GRID2: variants seen among roughly 807,000 people sequenced by gnomAD.
The protein encoded by GRID2 is glutamate ionotropic receptor delta type subunit 2, also known as glutamate receptor ionotropic, delta-2.
Under a neutral mutation model 114.8 loss-of-function variants are expected in GRID2, and 33 were observed. That is an observed-to-expected ratio of 0.29 (90% CI 0.22 to 0.38). The LOEUF is 0.38. Among genes scored for constraint, GRID2 ranks in the 10% least tolerant of loss-of-function variants. GRID2 has a pLI of 1.00. For missense variants in GRID2, 1,184 were observed against 1,257.7 expected (o/e 0.94, Z 0.89); for synonymous variants, 505 against 449.9 (o/e 1.12, Z -1.55).
chr4:92,686,868 A>G (rs1733933335), intron 2 of GRID2, among the ~76,000 whole-genome samples: 1 of 152,164 alleles, frequency 6.6e-6, no homozygotes, highest in Non-Finnish European at 1.5e-5. Flanking sequence ...AGTAGATCAC[A>G]GGTTTAATAT....
At chr4:92,988,932 T>A (rs1394843083) in intron 2 of GRID2, among the ~76,000 whole-genome samples, 8 of 152,130 alleles carry the variant, frequency 5.3e-5, no homozygotes, top group African/African-American at 1.9e-4. Context: ...TTTCCTATAA[T>A]ATTTTAGGTC....
intron 2 of GRID2, among the ~76,000 whole-genome samples, chr4:92,961,705 G>T (rs1004368817): frequency 6.6e-6 from 1 of 151,080 alleles, no homozygotes; most frequent in Non-Finnish European, 1.5e-5. Context: ...CTTTGGTTTG[G>T]TGTCAGACAT....
intron 1 of GRID2, among the ~76,000 whole-genome samples, chr4:92,547,109 C>T (rs182767309): frequency 1.8e-4 from 28 of 152,242 alleles, no homozygotes; most frequent in East Asian, 1.2e-3. Context: ...CCAGCTTCTC[C>T]GATACCTAAA....
At chr4:92,955,301 T>C (rs1477894881) in intron 2 of GRID2, among the ~76,000 whole-genome samples, 7 of 151,386 alleles carry the variant, frequency 4.6e-5, no homozygotes, top group Admixed American at 6.6e-5. Context: ...TTTTAATGAT[T>C]GCCATTCTAA....
chr4:92,839,100 C>T (rs116022792), intron 2 of GRID2, among the ~76,000 whole-genome samples: 1,579 of 152,096 alleles, frequency 0.01, 23 homozygotes, highest in African/African-American at 0.036. Context: ...GTCTTTCAAG[C>T]GAGCATGTGT....
chr4:92,571,610 C>T (rs565971348), intron 1 of GRID2, among the ~76,000 whole-genome samples: 2 of 151,934 alleles, frequency 1.3e-5, no homozygotes, highest in African/African-American at 4.8e-5. Flanking sequence ...GCACTTATTC[C>T]AAAATTGACC....
chr4:93,335,629 G>A lies in GRID2; in HGVS notation c.1246-59978G>A, dbSNP rs140282447. 4.9e-3 allele frequency among the ~76,000 whole-genome samples: 737 copies of A among 151,640 alleles called. 5 individuals carry two copies. The highest frequency in any genetic ancestry group is 0.017 in the African/African-American group (693 of 41,222). ...ATAATTTGAATATTTCAAATTTTAA[G>A]TTTTTAAAAATTAGCAACATGTGTT... On this transcript the variant is annotated intron_variant, in intron 8 of 15. Coordinates refer to ENST00000282020, the MANE Select transcript of GRID2 (RefSeq NM_001510.4).
chr4:93,462,283 G>A (rs1358693663), intron 11 of GRID2, among the ~76,000 whole-genome samples: 11 of 152,110 alleles, frequency 7.2e-5, no homozygotes, highest in African/African-American at 1.7e-4. Context: ...ACATCACGCC[G>A]ATGGATCTTA....
intron 1 of GRID2, among the ~76,000 whole-genome samples, chr4:92,394,920 T>C (rs1007059109): frequency 4.6e-5 from 7 of 151,630 alleles, no homozygotes; most frequent in Non-Finnish European, 7.4e-5. Flanking sequence ...TTTTTAGTCT[T>C]CCTACCAAAA....
chr4:93,506,195 C>T (rs533923157), intron 12 of GRID2, among the ~76,000 whole-genome samples: 18 of 152,214 alleles, frequency 1.2e-4, no homozygotes, highest in African/African-American at 4.1e-4. Context: ...ACAATTTTAC[C>T]TGTGACCATC....
chr4:92,695,751 G>A (rs1343892562), intron 2 of GRID2, among the ~76,000 whole-genome samples: 5 of 151,550 alleles, frequency 3.3e-5, no homozygotes, highest in Admixed American at 1.3e-4. Context: ...TTTCTTTCAC[G>A]TAAAATATTA....
intron 2 of GRID2, among the ~76,000 whole-genome samples, chr4:92,957,791 A>G (rs757709322): frequency 6.6e-6 from 1 of 152,094 alleles, no homozygotes; most frequent in African/African-American, 2.4e-5. Context: ...ATAAACATAA[A>G]ATATTTATCC....
intron 8 of GRID2, among the ~76,000 whole-genome samples, chr4:93,364,858 C>A (rs1034350325): frequency 4.6e-5 from 7 of 152,038 alleles, no homozygotes; most frequent in African/African-American, 1.7e-4. Context: ...TTCTTTTTGA[C>A]CTTTTCTTTG....
At chr4:93,138,092 C>A (rs1380456018) in intron 4 of GRID2, among the ~76,000 whole-genome samples, 1 of 149,270 alleles carries the variant, frequency 6.7e-6, no homozygotes, top group South Asian at 2.1e-4. Context: ...CTTACCTGAG[C>A]CCCCCAAGTA....
intron 1 of GRID2, among the ~76,000 whole-genome samples, chr4:92,534,060 A>G (rs1725486147): frequency 6.6e-6 from 1 of 152,118 alleles, no homozygotes; most frequent in Admixed American, 6.6e-5. Context: ...GTGTGGATGT[A>G]TCCTTTCAAG....
chr4:92,612,019 A>G (rs1729773549), intron 2 of GRID2, among the ~76,000 whole-genome samples: 1 of 151,406 alleles, frequency 6.6e-6, no homozygotes. Context: ...TTTTAAACTT[A>G]TGTGTTTAGC....
intron 9 of GRID2, among the ~76,000 whole-genome samples, chr4:93,401,736 C>G (rs1765908944): frequency 6.6e-6 from 1 of 152,192 alleles, no homozygotes; most frequent in South Asian, 2.1e-4. Context: ...ACAGAGATAG[C>G]TTATCTTGAA....
At chr4:93,712,868 A>G (rs909983945) in intron 14 of GRID2, among the ~76,000 whole-genome samples, 4 of 152,126 alleles carry the variant, frequency 2.6e-5, no homozygotes, top group Non-Finnish European at 5.9e-5. Flanking sequence ...AAAGGCTTCC[A>G]CTTACACAGC....
At chr4:93,476,828 C>G (rs1271969229) in intron 11 of GRID2, among the ~76,000 whole-genome samples, 2 of 151,942 alleles carry the variant, frequency 1.3e-5, no homozygotes, top group African/African-American at 4.8e-5. Flanking sequence ...AAGATATAGT[C>G]TTATTTTTAT....
Sources: allele counts gnomAD v4.1 joint callset (sites outside exome capture counted in the v4.1 genomes callset), GRCh38; gene constraint gnomAD v4.1.1; transcripts MANE v1.5; gene names NCBI Gene and HGNC (gene_info 2026-07-23, HGNC 2026-07-21).